The following ZBTB17 variants were observed in gnomAD, a reference collection of about 807,000 sequenced individuals.
ZBTB17 encodes zinc finger and BTB domain containing 17.
In ZBTB17, 24 loss-of-function variants were observed where a neutral mutation model predicts 85.1. That is an observed-to-expected ratio of 0.28 (90% CI 0.20 to 0.40). The LOEUF (loss-of-function observed/expected upper bound fraction) is 0.40, where lower values mean the gene tolerates loss of function less well. Among genes scored for constraint, ZBTB17 ranks in the 10% least tolerant of loss-of-function variants. The probability of loss-of-function intolerance (pLI) is 1.00; values close to 1 mark genes in which losing one functional copy is unlikely to be tolerated. For missense variants in ZBTB17, 743 were observed against 1,105.1 expected, an observed-to-expected ratio of 0.67 and a Z score of 4.65; for synonymous variants, 464 against 460.2, an observed-to-expected ratio of 1.01 and a Z score of -0.11.
chr1:15,944,997 T>C lies in ZBTB17; in HGVS notation c.867A>G (p.Ser289=). The C allele has an allele frequency of 6.3e-7, 1 of 1,592,204 alleles. No homozygotes were observed. Among genetic ancestry groups the C allele is most frequent in the East Asian group, 2.3e-5 (1 of 43,986 alleles). Reference sequence around the variant, plus strand: ...ACTCCGTGCGGTCGCCGTAGGTGCCTGAGCGCAGGCCCCGGGCCTCGGAGC... The same window carrying C: ...ACTCCGTGCGGTCGCCGTAGGTGCCCGAGCGCAGGCCCCGGGCCTCGGAGC... ...ELGSEARGLR[S]GTYGDRTESK... is the part of the protein sequence containing the mutation. Residue 289 remains serine (S), a synonymous_variant, in exon 7 of 16, where the codon TCA becomes TCG. Transcript: ENST00000375743.
At chr1:15,945,244 GC>G in intron 6 of ZBTB17, 42 bp from the exon 7 acceptor site, 1 of 1,544,028 alleles carries the variant, frequency 6.5e-7, no homozygotes, top group Non-Finnish European at 8.7e-7. Context: ...AGCCCTCTCT[GC>G]CTGAGCGCAC....
intron 1 of ZBTB17, among the ~76,000 whole-genome samples, chr1:15,974,749 A>AT (rs537911542): frequency 1.8e-3 from 280 of 151,800 alleles, no homozygotes; most frequent in African/African-American, 6.6e-3. Flanking sequence ...TAATTTTTGT[A>AT]TTTTTAGTAG....
chr1:15,943,241 G>C, intron 12 of ZBTB17, 47 bp from the exon 13 acceptor site: 1 of 1,613,500 alleles, frequency 6.2e-7, no homozygotes, highest in Non-Finnish European at 8.5e-7. Flanking sequence ...CCCAACCTGG[G>C]CCTCCTGCCT....
chr1:15,954,541 T>C (rs1333486282), intron 2 of ZBTB17, among the ~76,000 whole-genome samples: 2 of 152,156 alleles, frequency 1.3e-5, no homozygotes, highest in Non-Finnish European at 2.9e-5. Flanking sequence ...CTTGATTTTC[T>C]AGAAATACAG....
At position 15,953,285 on chromosome 1, in the gene ZBTB17, T is replaced by G. The variant is rs2071928944; in HGVS notation, c.-2-4788A>C. Among the ~76,000 whole-genome samples, 2 of 152,128 alleles carry G rather than the reference T, an allele frequency of 1.3e-5. No homozygotes were observed. The highest frequency in any genetic ancestry group is 1.3e-4 in the Admixed American group (2 of 15,270). ...ACCTTGGCCTTCTAAAGTGCTGGGA[T>G]TACAGGCGTGTGCTACTGCACCCAG... On this transcript the variant is annotated intron_variant, in intron 2 of 15. Transcript: ENST00000375743. The surrounding 1 kb of genome is among the most constrained non-coding windows in gnomAD (Gnocchi z 5.1).
rs762557481 is a variant in ZBTB17, at chr1:15,941,932, A to G, written c.*37T>C. ...CCACCCTTCCCGGTTCCAGGGTGCC[A>G]TCCATCCTTAAATAAACAGTCAGAA... is the stretch of plus-strand genomic sequence containing the variant. On this transcript the variant is annotated 3_prime_UTR_variant, in exon 16 of 16. Coordinates refer to ENST00000375743, the MANE Select transcript of ZBTB17 (RefSeq NM_003443.3). 1.3e-6 allele frequency: 2 copies of G among 1,567,420 alleles called. No individual in the cohort carries two copies. The highest frequency in any genetic ancestry group is 1.7e-6 in the Non-Finnish European group (2 of 1,160,870).
In ZBTB17 at chr1:15,944,919, G is replaced by A. The variant is rs980271198; in HGVS notation, c.927+18C>T. 1.9e-6 allele frequency: 3 copies of A among 1,564,934 alleles called. No homozygotes were observed. Among genetic ancestry groups the A allele is most frequent in the Non-Finnish European group, 2.6e-6 (3 of 1,156,424 alleles). On this transcript the variant is annotated intron_variant, in intron 7 of 15. Coordinates refer to ENST00000375743, the MANE Select transcript of ZBTB17 (RefSeq NM_003443.3). ...GGGAGGGACGCTGGCTGGGAGGGCTGGCCATAGTCTCCCTCACCTCGCACT... is the reference window on the plus strand; with the variant it reads ...GGGAGGGACGCTGGCTGGGAGGGCTAGCCATAGTCTCCCTCACCTCGCACT...
At position 15,944,984 on chromosome 1, in the gene ZBTB17, C is replaced by G; in HGVS notation, c.880G>C (p.Asp294His). The G allele has an allele frequency of 1.3e-6, 2 of 1,585,484 alleles. No individual in the cohort carries two copies. The highest frequency in any genetic ancestry group is 1.7e-6 in the Non-Finnish European group (2 of 1,168,884). ...ARGLRSGTYG[D>H]RTESKAYGSV... is the part of the protein sequence containing the mutation. ...CCGTAGGCCTTGGACTCCGTGCGGT[C>G]GCCGTAGGTGCCTGAGCGCAGGCCC... Residue 294 changes from aspartate (D) to histidine (H), a missense_variant, in exon 7 of 16, where the codon GAC becomes CAC. By Grantham distance (81) the Asp-to-His change is moderately conservative. Transcript: ENST00000375743.
intron 2 of ZBTB17, among the ~76,000 whole-genome samples, chr1:15,954,546 A>G (rs1324865370): frequency 6.6e-6 from 1 of 152,208 alleles, no homozygotes; most frequent in African/African-American, 2.4e-5. Context: ...TTTTCTAGAA[A>G]TACAGGTGGA....
intron 2 of ZBTB17, among the ~76,000 whole-genome samples, chr1:15,949,836 G>A (rs1345056994): frequency 1.3e-5 from 2 of 152,202 alleles, no homozygotes; most frequent in Non-Finnish European, 2.9e-5. Context: ...ACCACGTGAT[G>A]TCTGGAAACT....
At chr1:15,944,034 G>A (rs1182162265) in intron 9 of ZBTB17, 139 bp from the exon 10 acceptor site, 2 of 1,001,424 alleles carry the variant, frequency 2.0e-6, no homozygotes, top group South Asian at 1.4e-5. Flanking sequence ...TGGGTCAGGA[G>A]AGGTCCCAGG....
In ZBTB17 at chr1:15,952,902, T is replaced by C. The variant is rs957471685; in HGVS notation, c.-2-4405A>G. The C allele has an allele frequency of 2.6e-5, 4 of 152,316 alleles. No homozygotes were observed. Among genetic ancestry groups the C allele is most frequent in the African/African-American group, 9.6e-5 (4 of 41,458 alleles). The allele number at this position is 152,316 out of a possible 1,614,324, so 9.4% of individuals were successfully genotyped here. ...GTCCACCCATCCAACTAAGAAAGACTGACTCACCGATGACTTATGCCACTG... is the reference window on the plus strand; with the variant it reads ...GTCCACCCATCCAACTAAGAAAGACCGACTCACCGATGACTTATGCCACTG... On this transcript the variant is annotated intron_variant, in intron 2 of 15. Coordinates refer to ENST00000375743, the MANE Select transcript of ZBTB17 (RefSeq NM_003443.3). This position sits in a 1 kb window ranked among gnomAD's most constrained non-coding sequence, Gnocchi z 4.3.
Position 15,945,120 on chromosome 1 carries a change from A to T in ZBTB17, c.744T>A (p.Ala248=), listed in dbSNP as rs2071541719. The change falls in exon 7 of 16, where the codon GCT becomes GCA. Residue 248 remains alanine (A), a synonymous_variant. Transcript: ENST00000375743. ...EEQEEEGAGP[A]EVKEEGSQLE... Reference sequence around the variant, plus strand: ...GCTGGGAACCCTCCTCCTTGACCTCAGCTGGCCCTGCGCCCTCCTCCTCTT... The same window carrying T: ...GCTGGGAACCCTCCTCCTTGACCTCTGCTGGCCCTGCGCCCTCCTCCTCTT... 6.2e-7 allele frequency: 1 copy of T among 1,606,476 alleles called. No homozygotes were observed. Among genetic ancestry groups the T allele is most frequent in the Non-Finnish European group, 8.5e-7 (1 of 1,176,832 alleles).
Position 15,946,311 on chromosome 1 carries a change from G to T in ZBTB17, c.395-17C>A. 3 of 1,600,750 alleles carry T rather than the reference G, an allele frequency of 1.9e-6. No homozygotes were observed. The highest frequency in any genetic ancestry group is 2.6e-6 in the Non-Finnish European group (3 of 1,169,610). ...TGTCCCCTCCTGGAGATGGAACAGG[G>T]CAGACCTGCCGTTTCCCATCAAGTG... On this transcript the variant is annotated splice_polypyrimidine_tract_variant and intron_variant, in intron 4 of 15. Transcript: ENST00000375743.
rs772403528 is a variant in ZBTB17, at chr1:15,946,999, G to A, written c.330C>T (p.Ala110=). The A allele has an allele frequency of 6.8e-6, 11 of 1,613,988 alleles. No individual in the cohort carries two copies. In the South Asian group the frequency reaches 1.2e-4, roughly 18 times the overall value. ...TAGCCGGCTCAGCAAGTGACTTGAGGGCATGGCAGGCCGTGATGATGTCCT... is the reference window on the plus strand; with the variant it reads ...TAGCCGGCTCAGCAAGTGACTTGAGAGCATGGCAGGCCGTGATGATGTCCT... ...QMQDIITACH[A]LKSLAEPATS... is the part of the protein sequence containing the mutation. The change falls in exon 4 of 16, where the codon GCC becomes GCT. Residue 110 remains alanine (A), a synonymous_variant. Transcript: ENST00000375743.
intron 2 of ZBTB17, among the ~76,000 whole-genome samples, chr1:15,961,161 T>G (rs1438638694): frequency 1.3e-5 from 2 of 152,204 alleles, no homozygotes; most frequent in Non-Finnish European, 2.9e-5. Context: ...GAATGAATGA[T>G]TTCATTAATG....
intron 2 of ZBTB17, among the ~76,000 whole-genome samples, chr1:15,960,112 C>T (rs1240917296): frequency 3.9e-5 from 6 of 152,218 alleles, no homozygotes; most frequent in Admixed American, 6.5e-5. Context: ...CACATGCACA[C>T]GCAATTCAAC....
In ZBTB17 at chr1:15,964,838, G is replaced by A. The variant is rs1200516617; in HGVS notation, c.-3+8201C>T. On this transcript the variant is annotated intron_variant, in intron 2 of 15. Transcript: ENST00000375743. The surrounding 1 kb of genome is among the most constrained non-coding windows in gnomAD (Gnocchi z 4.3). ...GTGGTATTTAAACAGAGAACAGGCC[G>A]GGCACGGTGGCTCACGCCTATAATC... Among the ~76,000 whole-genome samples, 2 of 151,840 alleles carry A rather than the reference G, an allele frequency of 1.3e-5. No homozygotes were observed. The highest frequency in any genetic ancestry group is 2.4e-5 in the African/African-American group (1 of 41,348).
intron 3 of ZBTB17, 47 bp downstream of exon 3, chr1:15,948,244 A>G (rs2071694499): frequency 5.6e-6 from 9 of 1,610,554 alleles, no homozygotes; most frequent in Non-Finnish European, 6.8e-6. Context: ...AGGGCCGGCC[A>G]TAGCTTCTGG....
Sources: gnomAD v4.1 joint callset for allele counts (sites outside exome capture counted in the v4.1 genomes callset) on GRCh38, gnomAD v4.1.1 for gene constraint, Gnocchi (gnomAD v3.1) non-coding constraint, MANE v1.5 for transcripts, NCBI Gene and HGNC (gene_info 2026-07-23, HGNC 2026-07-21) for gene names.